Variants in NCOA7 observed in about 807,000 individuals in gnomAD.
NCOA7 encodes the protein 140 kDa estrogen receptor-associated protein.
A neutral mutation model predicts 104.3 loss-of-function variants in NCOA7; 45 were observed. That is an observed-to-expected ratio of 0.43 (90% CI 0.34 to 0.55). NCOA7 has a LOEUF of 0.55. NCOA7 is among the 20% of genes least tolerant of loss of function. The probability of loss-of-function intolerance (pLI) is 0.02; values close to 1 mark genes in which losing one functional copy is unlikely to be tolerated. For synonymous variants in NCOA7, 398 were observed against 402.3 expected, an observed-to-expected ratio of 0.99 and a Z score of 0.13; for missense variants, 1,041 against 1,119.7, an observed-to-expected ratio of 0.93 and a Z score of 1.00.
At chr6:125,801,268 T>G (rs1174611291) in intron 1 of NCOA7, among the ~76,000 whole-genome samples, 1 of 152,146 alleles carries the variant, frequency 6.6e-6, no homozygotes, top group Non-Finnish European at 1.5e-5. Flanking sequence ...GCTTGAATTG[T>G]CTCCTGGGCT....
chr6:125,793,548 C>T (rs1054153469), intron 1 of NCOA7, among the ~76,000 whole-genome samples: 1 of 152,158 alleles, frequency 6.6e-6, no homozygotes, highest in Admixed American at 6.5e-5. Context: ...TTGGGTCCTA[C>T]CTCCTGATCC....
chr6:125,927,610 G>A, intron 13 of NCOA7, 53 bp from the exon 14 acceptor site: 1 of 1,347,380 alleles, frequency 7.4e-7, no homozygotes, highest in South Asian at 1.2e-5. Context: ...AGAAAGCCTT[G>A]CTTTGGGGAT....
intron 3 of NCOA7, among the ~76,000 whole-genome samples, chr6:125,870,273 C>T (rs1468047596): frequency 1.3e-5 from 2 of 152,154 alleles, no homozygotes; most frequent in African/African-American, 4.8e-5. Context: ...GATGACCTTA[C>T]CCCTACTCTA....
rs1020762816 is a variant in NCOA7 at position 125,863,306 on chromosome 6, T to C, written c.271+8066T>C. Among the ~76,000 whole-genome samples the C allele has an allele frequency of 1.4e-5, 2 of 138,652 alleles. 1 individual carries two copies. The highest frequency in any genetic ancestry group is 4.2e-4 in the East Asian group (2 of 4,722). The allele number at this position is 138,652 out of a possible 152,430, so 91.0% of individuals were successfully genotyped here. ...AATATTTTGTAACCCATTCTTGTCA[T>C]TGTTGAAACAAAAAGGTACAGTCAC... On this transcript the variant is annotated intron_variant, in intron 3 of 15. Transcript: ENST00000392477.
chr6:125,865,984 G>A lies in NCOA7; in HGVS notation c.272-8905G>A, dbSNP rs935393015. ...ATTACAGGTGTGAGCCACTGCATCT[G>A]GCCAAGAAGACATTCTTTAGGCAGA... On this transcript the variant is annotated intron_variant, in intron 3 of 15. Coordinates refer to ENST00000392477, the MANE Select transcript of NCOA7 (RefSeq NM_181782.5). Among the ~76,000 whole-genome samples, 2 of 136,826 alleles carry A rather than the reference G, an allele frequency of 1.5e-5. 1 individual carries two copies. The highest frequency in any genetic ancestry group is 3.1e-5 in the Non-Finnish European group (2 of 64,560). The allele number at this position is 136,826 out of a possible 152,430, so 89.8% of individuals were successfully genotyped here.
chr6:125,876,471 ACTTC>A (rs1783387330), intron 4 of NCOA7, among the ~76,000 whole-genome samples: 1 of 152,180 alleles, frequency 6.6e-6, no homozygotes, highest in African/African-American at 2.4e-5. Flanking sequence ...TAACAATATT[ACTTC>A]TAAAGCCATA....
intron 2 of NCOA7, among the ~76,000 whole-genome samples, chr6:125,823,390 T>G (rs899283518): frequency 6.6e-6 from 1 of 152,220 alleles, no homozygotes; most frequent in African/African-American, 2.4e-5. Flanking sequence ...ATTTTATTAA[T>G]CTTAAAAATA....
intron 10 of NCOA7, among the ~76,000 whole-genome samples, chr6:125,893,875 C>G (rs994974842): frequency 6.6e-6 from 1 of 152,180 alleles, no homozygotes; most frequent in African/African-American, 2.4e-5. Context: ...GAAACATACT[C>G]AGGTTCACTG....
At chr6:125,784,693 G>C (rs1339662492) in intron 1 of NCOA7, among the ~76,000 whole-genome samples, 2 of 152,100 alleles carry the variant, frequency 1.3e-5, no homozygotes, top group Non-Finnish European at 2.9e-5. Context: ...GATATGCCTT[G>C]GAATATTATC....
At chr6:125,788,611 C>A (rs947360660), upstream of NCOA7, among the ~76,000 whole-genome samples, 1 of 151,132 alleles carries the variant, frequency 6.6e-6, no homozygotes. Context: ...TCTCCGCTCG[C>A]TGCAACCTCT....
intron 1 of NCOA7, among the ~76,000 whole-genome samples, chr6:125,805,466 A>T (rs1776359346): frequency 6.6e-6 from 1 of 152,136 alleles, no homozygotes; most frequent in South Asian, 2.1e-4. Flanking sequence ...TATGTGTAGT[A>T]ATAGCCCACC....
At chr6:125,878,169 G>T (rs1281623704) in intron 4 of NCOA7, 94 bp from the exon 5 acceptor site, 26 of 631,302 alleles carry the variant, frequency 4.1e-5, no homozygotes, top group Non-Finnish European at 6.2e-5. Flanking sequence ...CTATTAGTTT[G>T]TTATTTATTC....
intron 2 of NCOA7, among the ~76,000 whole-genome samples, chr6:125,826,034 G>A (rs146157235): frequency 3.9e-5 from 6 of 152,156 alleles, no homozygotes; most frequent in Non-Finnish European, 7.4e-5. Context: ...ATACGAAATG[G>A]CATTATTTTG....
At chr6:125,847,448 CA>C (rs1465433140) in intron 2 of NCOA7, among the ~76,000 whole-genome samples, 5 of 152,128 alleles carry the variant, frequency 3.3e-5, no homozygotes, top group East Asian at 1.9e-4. Context: ...CAATGCCATA[CA>C]AGGTATTTAC....
intron 2 of NCOA7, among the ~76,000 whole-genome samples, chr6:125,852,330 G>A (rs1299998511): frequency 6.6e-6 from 1 of 152,000 alleles, no homozygotes; most frequent in Non-Finnish European, 1.5e-5. Flanking sequence ...TGAGTAGCTG[G>A]GACTACAGGC....
At chr6:125,895,810 A>G (rs1269164238) in intron 10 of NCOA7, among the ~76,000 whole-genome samples, 1 of 152,012 alleles carries the variant, frequency 6.6e-6, no homozygotes, top group Non-Finnish European at 1.5e-5. Flanking sequence ...CACTACAGCA[A>G]GGACAGCACC....
intron 3 of NCOA7, among the ~76,000 whole-genome samples, chr6:125,858,694 C>T (rs1346739882): frequency 2.0e-5 from 3 of 152,086 alleles, no homozygotes; most frequent in South Asian, 2.1e-4. Flanking sequence ...TGATAGCAAC[C>T]GGTTTGGAGG....
At chr6:125,918,674 G>A (rs1177043355) in intron 11 of NCOA7, among the ~76,000 whole-genome samples, 2 of 152,182 alleles carry the variant, frequency 1.3e-5, no homozygotes, top group Non-Finnish European at 2.9e-5. Flanking sequence ...AATGTAAAAA[G>A]ATAAGTATTA....
chr6:125,797,276 T>C (rs1775427892), intron 1 of NCOA7, among the ~76,000 whole-genome samples: 2 of 152,146 alleles, frequency 1.3e-5, no homozygotes, highest in Admixed American at 1.3e-4. Flanking sequence ...CCTAAGTAGG[T>C]GAATGAAATA....
Sources: gnomAD v4.1 joint callset for allele counts (sites outside exome capture counted in the v4.1 genomes callset) on GRCh38, gnomAD v4.1.1 for gene constraint, MANE v1.5 for transcripts, NCBI Gene and HGNC (gene_info 2026-07-23, HGNC 2026-07-21) for gene names.